ST6GALNAC2: variants seen among roughly 807,000 people sequenced by gnomAD.
ST6GALNAC2 encodes alpha-N-acetylgalactosaminide alpha-2,6-sialyltransferase 2.
A neutral mutation model predicts 38.7 loss-of-function variants in ST6GALNAC2; 42 were observed. That is an observed-to-expected ratio of 1.09 (90% CI 0.85 to 1.40). ST6GALNAC2 has a LOEUF of 1.40. Among genes scored for constraint, ST6GALNAC2 ranks in the 40% most tolerant of loss-of-function variants. The probability of loss-of-function intolerance (pLI) is 0.00; values close to 1 mark genes in which losing one functional copy is unlikely to be tolerated. For synonymous variants in ST6GALNAC2, 233 were observed against 209.0 expected (o/e 1.11, Z -0.99); for missense variants, 506 against 481.7 (o/e 1.05, Z -0.47).
chr17:76,572,682 G>A lies in ST6GALNAC2; in HGVS notation c.624C>T (p.Leu208=), dbSNP rs769070637. 1.9e-5 allele frequency: 30 copies of A among 1,614,028 alleles called. No homozygotes were observed. The highest frequency in any genetic ancestry group is 1.8e-4 in the East Asian group (8 of 44,898). ...GFTVNTMKNS[L]VSYWNLGFTS... is the part of the protein sequence containing the mutation. ...TGAAGCCCAGATTCCAGTAGGAGACGAGGGAGTTCTTCATCGTGTTCACAG... is the reference window on the plus strand; with the variant it reads ...TGAAGCCCAGATTCCAGTAGGAGACAAGGGAGTTCTTCATCGTGTTCACAG... Residue 208 remains leucine (L), a synonymous_variant, in exon 5 of 9, where the codon CTC becomes CTT. Coordinates refer to ENST00000225276, the MANE Select transcript of ST6GALNAC2 (RefSeq NM_006456.3).
rs748412357 is a variant in ST6GALNAC2, at chr17:76,570,657, A to G, written c.681T>C (p.Tyr227=). Reference sequence around the variant, plus strand: ...CGCGGATGTCTGAGGGGATGAAGATATACTGCAGGTCCTGTCAGAATAGAG... The same window carrying G: ...CGCGGATGTCTGAGGGGATGAAGATGTACTGCAGGTCCTGTCAGAATAGAG... ...TSVPQGQDLQ[Y]IFIPSDIRDY... is the part of the protein sequence containing the mutation. The change falls in exon 6 of 9, where the codon TAT becomes TAC. Residue 227 remains tyrosine (Y), a synonymous_variant. Transcript: ENST00000225276. 2 of 1,611,344 alleles carry G rather than the reference A, an allele frequency of 1.2e-6. No homozygotes were observed. The highest frequency in any genetic ancestry group is 2.7e-5 in the African/African-American group (2 of 74,900).
At chr17:76,574,867 G>A (rs922883840) in intron 2 of ST6GALNAC2, among the ~76,000 whole-genome samples, 4 of 151,942 alleles carry the variant, frequency 2.6e-5, no homozygotes, top group African/African-American at 7.3e-5. Flanking sequence ...TAGTAGAGAC[G>A]GGGTTTCACC....
At chr17:76,583,451 A>G (rs1598264643) in intron 1 of ST6GALNAC2, among the ~76,000 whole-genome samples, 1 of 151,502 alleles carries the variant, frequency 6.6e-6, no homozygotes, top group East Asian at 1.9e-4. Context: ...GGTGGAGGTT[A>G]CAGTGAGCCA....
At chr17:76,585,627 C>A in intron 1 of ST6GALNAC2, 57 bp downstream of exon 1, 1 of 1,461,990 alleles carries the variant, frequency 6.8e-7, no homozygotes. Flanking sequence ...GGCTGGGGAC[C>A]CTCCCCGCGC....
intron 5 of ST6GALNAC2, 154 bp from the exon 6 acceptor site, chr17:76,570,822 A>G: frequency 1.6e-6 from 1 of 621,584 alleles, no homozygotes; most frequent in Non-Finnish European, 2.9e-6. Flanking sequence ...TACTGGTTTC[A>G]GTGTAGGTCC....
chr17:76,569,259 G>A, intron 6 of ST6GALNAC2: 1 of 360,650 alleles, frequency 2.8e-6, no homozygotes, highest in Non-Finnish European at 4.8e-6. Flanking sequence ...TATAGGACGG[G>A]ATGTTCTGAA....
intron 7 of ST6GALNAC2, 132 bp from the exon 8 acceptor site, chr17:76,567,684 C>G: frequency 1.6e-6 from 1 of 623,760 alleles, no homozygotes; most frequent in East Asian, 2.8e-5. Context: ...TTTATTCGGT[C>G]CAAGTGGACT....
chr17:76,571,449 C>T (rs527954204), intron 5 of ST6GALNAC2, among the ~76,000 whole-genome samples: 277 of 152,288 alleles, frequency 1.8e-3, no homozygotes, highest in Non-Finnish European at 3.2e-3. Context: ...CAAAAATTAG[C>T]CAGGCGTGGT....
At chr17:76,572,807 G>A (rs765625750) in intron 4 of ST6GALNAC2, 32 bp from the exon 5 acceptor site, 32 of 1,613,084 alleles carry the variant, frequency 2.0e-5, no homozygotes, top group Non-Finnish European at 2.5e-5. Context: ...CAGTGTCTGC[G>A]GTTACACCAG....
intron 5 of ST6GALNAC2, among the ~76,000 whole-genome samples, chr17:76,572,425 A>G (rs11077829): frequency 0.68 from 103,850 of 152,086 alleles, 35,587 homozygotes; most frequent in East Asian, 0.78. Context: ...CACATCCCAT[A>G]CTGCAGAGGA....
intron 3 of ST6GALNAC2, among the ~76,000 whole-genome samples, chr17:76,574,051 G>A (rs2075384883): frequency 6.6e-6 from 1 of 152,214 alleles, no homozygotes; most frequent in South Asian, 2.1e-4. Flanking sequence ...GCAACCGTGA[G>A]TGAGGTGGTT....
chr17:76,573,150 A>G lies in ST6GALNAC2; in HGVS notation c.530+45T>C. On this transcript the variant is annotated intron_variant, in intron 4 of 8. Coordinates refer to ENST00000225276, the MANE Select transcript of ST6GALNAC2 (RefSeq NM_006456.3). This position sits in a 1 kb window ranked among gnomAD's most constrained non-coding sequence, Gnocchi z 5.1. Reference sequence around the variant, plus strand: ...CCTGGGGGAGACACCCCCACCCTCCAGGCAACTCTCCCTCCCGCCCCTCCC... The same window carrying G: ...CCTGGGGGAGACACCCCCACCCTCCGGGCAACTCTCCCTCCCGCCCCTCCC... 1 of 1,512,060 alleles carries G rather than the reference A, an allele frequency of 6.6e-7. No individual in the cohort carries two copies. The highest frequency in any genetic ancestry group is 1.2e-5 in the South Asian group (1 of 80,838). The allele number at this position is 1,512,060 out of a possible 1,614,324, so 93.7% of individuals were successfully genotyped here. A position where few individuals can be genotyped will look rare whatever the true frequency, so the allele number is the denominator to read the frequency against.
intron 8 of ST6GALNAC2, among the ~76,000 whole-genome samples, chr17:76,566,699 T>TA (rs55837742): frequency 2.2e-3 from 320 of 146,468 alleles, no homozygotes; most frequent in African/African-American, 7.4e-3. Flanking sequence ...CTACAAAAAG[T>TA]AAAAAAAAAA....
chr17:76,573,159 T>TCCCACCCC lies in ST6GALNAC2; in HGVS notation c.530+35_530+36insGGGGTGGG. 14 of 1,530,302 alleles carry TCCCACCCC rather than the reference T, an allele frequency of 9.1e-6. No individual in the cohort carries two copies. The highest frequency in any genetic ancestry group is 1.8e-5 in the Admixed American group (1 of 55,906). 94.8% of individuals were successfully genotyped at this position (1,530,302 alleles called of 1,614,324 possible). On this transcript the variant is annotated intron_variant, in intron 4 of 8. Coordinates refer to ENST00000225276, the MANE Select transcript of ST6GALNAC2 (RefSeq NM_006456.3). This position sits in a 1 kb window ranked among gnomAD's most constrained non-coding sequence, Gnocchi z 5.1. The stretch of plus-strand genomic sequence containing the variant: ...GACACCCCCACCCTCCAGGCAACTC[T>TCCCACCCC]CCCTCCCGCCCCTCCCCAGCTCCTA...
rs942047880 is a variant in ST6GALNAC2 at position 76,585,707 on chromosome 17, G to A, written c.102C>T (p.Tyr34=). 2 of 1,530,936 alleles carry A rather than the reference G, an allele frequency of 1.3e-6. No individual in the cohort carries two copies. Among genetic ancestry groups the A allele is most frequent in the Non-Finnish European group, 1.8e-6 (2 of 1,142,344 alleles). 94.8% of individuals were successfully genotyped at this position (1,530,936 alleles called of 1,614,324 possible). Residue 34 remains tyrosine (Y), a synonymous_variant, in exon 1 of 9, where the codon TAC becomes TAT. Transcript: ENST00000225276. The part of the protein sequence containing the change: ...FALYFSAVQR[Y]PGPAAGARDT... Reference sequence around the variant, plus strand: ...ACCTGGCTCCGGCCGCTGGCCCCGGGTACCGCTGCACCGCCGAGAAGTACA... The same window carrying A: ...ACCTGGCTCCGGCCGCTGGCCCCGGATACCGCTGCACCGCCGAGAAGTACA...
intron 1 of ST6GALNAC2, among the ~76,000 whole-genome samples, chr17:76,585,273 G>A (rs1354826011): frequency 6.6e-6 from 1 of 152,230 alleles, no homozygotes; most frequent in Admixed American, 6.5e-5. Flanking sequence ...GGAGACTTGG[G>A]CCCCTGCCCA....
In ST6GALNAC2 at chr17:76,585,844, T is replaced by C. The variant is rs915535910; in HGVS notation, c.-36A>G. 1.3e-6 allele frequency: 2 copies of C among 1,514,408 alleles called. No homozygotes were observed. The highest frequency in any genetic ancestry group is 4.1e-5 in the Admixed American group (2 of 48,420). The allele number at this position is 1,514,408 out of a possible 1,614,324, so 93.8% of individuals were successfully genotyped here. A position where few individuals can be genotyped will look rare whatever the true frequency, so the allele number is the denominator to read the frequency against. On this transcript the variant is annotated 5_prime_UTR_variant, in exon 1 of 9. Transcript: ENST00000225276. Reference sequence around the variant, plus strand: ...CCCGCGAGCGCCCCGTCCGCTGACGTCCCAGGCAGAAGGGAGAGAACCGGG... The same window carrying C: ...CCCGCGAGCGCCCCGTCCGCTGACGCCCCAGGCAGAAGGGAGAGAACCGGG...
In ST6GALNAC2 at chr17:76,570,666, G is replaced by T; in HGVS notation, c.672C>A (p.Asp224Glu). 8 of 1,609,056 alleles carry T rather than the reference G, an allele frequency of 5.0e-6. No individual in the cohort carries two copies. The highest frequency in any genetic ancestry group is 6.8e-6 in the Non-Finnish European group (8 of 1,177,654). Reference protein sequence around the residue: ...LGFTSVPQGQDLQYIFIPSDI... With the variant: ...LGFTSVPQGQELQYIFIPSDI... ...CTGAGGGGATGAAGATATACTGCAG[G>T]TCCTGTCAGAATAGAGACAATGAGC... Residue 224 changes from aspartate to glutamate, a missense_variant and splice_region_variant, in exon 6 of 9, where the codon GAC becomes GAA. Transcript: ENST00000225276.
In ST6GALNAC2 at chr17:76,568,790, G is replaced by A. The variant is rs1450393896; in HGVS notation, c.780C>T (p.His260=). The change falls in exon 7 of 9, where the codon CAC becomes CAT. Residue 260 remains histidine (H), a synonymous_variant. Transcript: ENST00000225276. ...PEGLDKGDRP[H]AYFGPEASAS... is the part of the protein sequence containing the mutation. ...CAGAGGCTTCTGGTCCAAAATAGGC[G>A]TGCGGCCTAGGACCCATGATAGAAG... The A allele has an allele frequency of 1.9e-5, 30 of 1,613,230 alleles. No homozygotes were observed. Among genetic ancestry groups the A allele is most frequent in the Middle Eastern group, 1.7e-4 (1 of 6,052 alleles).
Sources: allele counts gnomAD v4.1 joint callset (sites outside exome capture counted in the v4.1 genomes callset), GRCh38; gene constraint gnomAD v4.1.1; non-coding constraint Gnocchi (gnomAD v3.1); transcripts MANE v1.5; gene names NCBI Gene and HGNC (gene_info 2026-07-23, HGNC 2026-07-21).